The following TNRC6B variants were observed in gnomAD, a reference collection of about 807,000 sequenced individuals.
TNRC6B encodes trinucleotide repeat containing adaptor 6B.
Under a neutral mutation model 203.6 loss-of-function variants are expected in TNRC6B, and 52 were observed. The ratio of observed to expected loss-of-function variants is 0.26; its 90% CI spans 0.20 to 0.32. The LOEUF (loss-of-function observed/expected upper bound fraction) is 0.32, where lower values mean the gene tolerates loss of function less well. Among genes scored for constraint, TNRC6B ranks in the 10% least tolerant of loss-of-function variants. TNRC6B has a pLI of 1.00. For missense variants in TNRC6B, 1,923 were observed against 2,286.2 expected, an observed-to-expected ratio of 0.84 and a Z score of 3.24; for synonymous variants, 838 against 845.7, an observed-to-expected ratio of 0.99 and a Z score of 0.16.
intron 1 of TNRC6B, among the ~76,000 whole-genome samples, chr22:40,056,038 C>T (rs2067791977): frequency 6.6e-6 from 1 of 152,148 alleles, no homozygotes; most frequent in African/African-American, 2.4e-5. Flanking sequence ...TTCATTTACT[C>T]CTATTTGTTT....
chr22:40,127,928 A>ATACC (rs1423305858), intron 3 of TNRC6B, among the ~76,000 whole-genome samples: 4 of 152,210 alleles, frequency 2.6e-5, no homozygotes, highest in South Asian at 2.1e-4. Context: ...AAGAGAAGGT[A>ATACC]TAATTGGGAG....
intron 3 of TNRC6B, among the ~76,000 whole-genome samples, chr22:40,139,172 A>G (rs891314354): frequency 5.9e-5 from 9 of 152,296 alleles, no homozygotes; most frequent in Admixed American, 5.9e-4. Context: ...TGAACATTCC[A>G]TATAAATAGA....
chr22:40,277,662 A>T (rs1333164905), intron 8 of TNRC6B, among the ~76,000 whole-genome samples: 4 of 152,196 alleles, frequency 2.6e-5, no homozygotes, highest in Admixed American at 6.5e-5. Flanking sequence ...CACGAGAAGA[A>T]GTTGTCATTA....
intron 1 of TNRC6B, among the ~76,000 whole-genome samples, chr22:40,065,352 C>T (rs2067886748): frequency 6.6e-6 from 1 of 151,734 alleles, no homozygotes; most frequent in East Asian, 1.9e-4. Context: ...TGCTATTTTG[C>T]CCAGGCTGGT....
At chr22:40,138,107 C>T (rs1012210487) in intron 3 of TNRC6B, among the ~76,000 whole-genome samples, 1 of 151,924 alleles carries the variant, frequency 6.6e-6, no homozygotes, top group Non-Finnish European at 1.5e-5. Context: ...CTGAGGAAGG[C>T]TTTTGAAATA....
intron 1 of TNRC6B, among the ~76,000 whole-genome samples, chr22:40,196,237 C>G (rs574348283): frequency 6.6e-6 from 1 of 152,164 alleles, no homozygotes; most frequent in Admixed American, 6.5e-5. Flanking sequence ...TCAGCCTCAA[C>G]CTACCGGGCT....
At chr22:40,219,274 A>C (rs923258421) in intron 1 of TNRC6B, among the ~76,000 whole-genome samples, 3 of 152,174 alleles carry the variant, frequency 2.0e-5, no homozygotes, top group Non-Finnish European at 4.4e-5. Flanking sequence ...AAGAACGAGT[A>C]AGTGCTCCAT....
intron 1 of TNRC6B, among the ~76,000 whole-genome samples, chr22:40,115,353 TAATG>T (rs1206933082): frequency 2.0e-5 from 3 of 152,326 alleles, no homozygotes; most frequent in East Asian, 1.9e-4. Flanking sequence ...GACAAAAAAT[TAATG>T]AATCCAGTCG....
chr22:40,176,307 A>G (rs1479583650), upstream of TNRC6B, among the ~76,000 whole-genome samples: 3 of 151,938 alleles, frequency 2.0e-5, no homozygotes, highest in Non-Finnish European at 4.4e-5. Context: ...TTGTATTTTT[A>G]GTAGAGACGG....
rs1601469963 is a variant in TNRC6B, at chr22:40,265,998, C to T, written c.1768C>T (p.Arg590Cys). Residue 590 changes from arginine to cysteine, a missense_variant, in exon 5 of 23, where the codon CGT becomes TGT. Arg to Cys is a radical substitution (Grantham distance 180). Around this residue, in one of 8 missense-constraint regions of TNRC6B, gnomAD observed 614 missense variants for 587.7 expected, o/e 1.04. Coordinates refer to ENST00000454349, the MANE Select transcript of TNRC6B (RefSeq NM_001162501.2). ...AAGTAGTGACAGTCATAACTCTGGC[C>T]GTCGGTCGTACAGGCCCACACATCC... The part of the protein sequence containing the change: ...AGSSDSHNSG[R>C]RSYRPTHPDC... 1.9e-6 allele frequency: 3 copies of T among 1,613,704 alleles called. No individual in the cohort carries two copies. Among genetic ancestry groups the T allele is most frequent in the African/African-American group, 2.7e-5 (2 of 74,904 alleles).
intron 1 of TNRC6B, among the ~76,000 whole-genome samples, chr22:40,219,966 AAATG>A (rs2146433941): frequency 6.6e-6 from 1 of 152,354 alleles, no homozygotes; most frequent in Non-Finnish European, 1.5e-5. Flanking sequence ...GGAGGACACT[AAATG>A]AACGCATGGG....
intron 1 of TNRC6B, among the ~76,000 whole-genome samples, chr22:40,094,057 T>G (rs962998185): frequency 5.3e-5 from 8 of 152,138 alleles, no homozygotes; most frequent in Non-Finnish European, 1.0e-4. Flanking sequence ...AAACATCACA[T>G]GTACCACGTA....
chr22:40,302,346 C>CAA (rs774622479), intron 15 of TNRC6B, among the ~76,000 whole-genome samples: 5 of 152,250 alleles, frequency 3.3e-5, no homozygotes, highest in East Asian at 1.9e-4. Flanking sequence ...ACTCAAAAAA[C>CAA]GAGTTGGGCC....
At chr22:40,069,050 G>C (rs1342897589) in intron 1 of TNRC6B, among the ~76,000 whole-genome samples, 1 of 152,074 alleles carries the variant, frequency 6.6e-6, no homozygotes, top group Non-Finnish European at 1.5e-5. Context: ...AAACAATAGT[G>C]TAAAGGTAGC....
intron 1 of TNRC6B, among the ~76,000 whole-genome samples, chr22:40,081,258 A>G (rs1332194948): frequency 1.3e-5 from 2 of 151,070 alleles, no homozygotes; most frequent in Non-Finnish European, 2.9e-5. Context: ...ATAAAACTCT[A>G]ATTCTTCAAT....
At chr22:40,202,463 T>C (rs778212667) in intron 1 of TNRC6B, among the ~76,000 whole-genome samples, 3 of 152,124 alleles carry the variant, frequency 2.0e-5, no homozygotes, top group Non-Finnish European at 4.4e-5. Flanking sequence ...GCTGTAACTA[T>C]ATATAAACGC....
intron 4 of TNRC6B, chr22:40,156,270 A>T (rs1401997407): frequency 1.5e-6 from 2 of 1,336,830 alleles, no homozygotes; most frequent in Non-Finnish European, 2.1e-6. Flanking sequence ...TTTGTCAGAG[A>T]TGTATACGTT....
intron 1 of TNRC6B, among the ~76,000 whole-genome samples, chr22:40,091,774 C>T (rs960525604): frequency 1.3e-5 from 2 of 152,018 alleles, no homozygotes; most frequent in African/African-American, 2.4e-5. Flanking sequence ...CTTGAACGTT[C>T]ATTATATTAT....
At chr22:40,151,883 GA>G (rs1450956143) in intron 3 of TNRC6B, among the ~76,000 whole-genome samples, 6 of 111,956 alleles carry the variant, frequency 5.4e-5, no homozygotes, top group African/African-American at 1.2e-4. Flanking sequence ...AAAGAAAGAA[GA>G]AAGAAAGCAA....
Sources: gnomAD v4.1 joint callset for allele counts (sites outside exome capture counted in the v4.1 genomes callset) on GRCh38, gnomAD v4.1.1 for gene constraint, gnomAD v4.1.1 regional missense constraint, MANE v1.5 for transcripts, NCBI Gene and HGNC (gene_info 2026-07-23, HGNC 2026-07-21) for gene names.